The following MTUS1 variants were observed in gnomAD, a reference collection of about 807,000 sequenced individuals.
The protein encoded by MTUS1 is microtubule-associated tumor suppressor 1.
A neutral mutation model predicts 120.8 loss-of-function variants in MTUS1; 109 were observed. The observed-to-expected ratio is 0.90, with a 90% CI of 0.77 to 1.06. The LOEUF (loss-of-function observed/expected upper bound fraction) is 1.06, where lower values mean the gene tolerates loss of function less well. Ranked by LOEUF, MTUS1 falls within the 50% of genes least tolerant of loss-of-function variation. MTUS1 has a pLI of 0.00. For synonymous variants in MTUS1, 737 were observed against 550.5 expected, an observed-to-expected ratio of 1.34 and a Z score of -4.74; for missense variants, 2,210 against 1,486.3, an observed-to-expected ratio of 1.49 and a Z score of -8.01.
At chr8:17,746,443 C>G (rs1475287473) in intron 2 of MTUS1, among the ~76,000 whole-genome samples, 1 of 152,194 alleles carries the variant, frequency 6.6e-6, no homozygotes, top group African/African-American at 2.4e-5. Context: ...CTCAGAGTTC[C>G]ACGTGGCTAG....
intron 1 of MTUS1, among the ~76,000 whole-genome samples, chr8:17,786,626 G>A (rs1483483171): frequency 6.6e-5 from 10 of 152,158 alleles, no homozygotes; most frequent in Non-Finnish European, 1.0e-4. Flanking sequence ...GAGGATGTGT[G>A]AGGCAGTTGG....
rs143425822 is a variant in MTUS1, at chr8:17,723,330, T to G, written c.2449+342A>C. The G allele has an allele frequency of 2.9e-3, 942 of 325,768 alleles. 16 individuals carry two copies. Among genetic ancestry groups the G allele is most frequent in the African/African-American group, 0.018 (869 of 47,276 alleles). The allele number at this position is 325,768 out of a possible 1,614,324, so 20.2% of individuals were successfully genotyped here. A position where few individuals can be genotyped will look rare whatever the true frequency, so the allele number is the denominator to read the frequency against. On this transcript the variant is annotated intron_variant, in intron 4 of 14. Transcript: ENST00000693296. Reference sequence around the variant, plus strand: ...TAGCATCCAAAGATTCCACAGGAGATAGTCTTTTGCAAAGTAAATGAAACT... The same window carrying G: ...TAGCATCCAAAGATTCCACAGGAGAGAGTCTTTTGCAAAGTAAATGAAACT...
chr8:17,644,042 CG>C lies in MTUS1; in HGVS notation c.*1883del, dbSNP rs1472694219. 2 of 152,128 alleles carry C rather than the reference CG, an allele frequency of 1.3e-5. No individual in the cohort carries two copies. Among genetic ancestry groups the C allele is most frequent in the African/African-American group, 4.8e-5 (2 of 41,402 alleles). The allele number at this position is 152,128 out of a possible 1,614,324, so 9.4% of individuals were successfully genotyped here. ...ATTAACTGCTATGAGATTTATTTGC[CG>C]GTCACGTAATACGGAGGACAGCAGG... On this transcript the variant is annotated 3_prime_UTR_variant, in exon 15 of 15. Coordinates refer to ENST00000693296, the MANE Select transcript of MTUS1 (RefSeq NM_001363059.2).
chr8:17,773,105 C>T (rs1586318905), intron 1 of MTUS1, among the ~76,000 whole-genome samples: 2 of 152,148 alleles, frequency 1.3e-5, no homozygotes, highest in Non-Finnish European at 2.9e-5. Context: ...TATTATTTCT[C>T]TTTACTCCTG....
chr8:17,651,255 G>T (rs1008178947), intron 12 of MTUS1, among the ~76,000 whole-genome samples: 1 of 152,138 alleles, frequency 6.6e-6, no homozygotes, highest in Non-Finnish European at 1.5e-5. Flanking sequence ...CAGTTAGACA[G>T]AAGGAATAGG....
intron 1 of MTUS1, among the ~76,000 whole-genome samples, chr8:17,796,893 C>A (rs2052284336): frequency 6.6e-6 from 1 of 152,128 alleles, no homozygotes; most frequent in African/African-American, 2.4e-5. Flanking sequence ...TAGGCAATCA[C>A]TTGAGGTCAG....
Position 17,645,932 on chromosome 8 carries a change from G to C in MTUS1, c.3807C>G (p.Pro1269=). 1.2e-6 allele frequency: 2 copies of C among 1,611,090 alleles called. No individual in the cohort carries two copies. The highest frequency in any genetic ancestry group is 1.7e-6 in the Non-Finnish European group (2 of 1,179,484). The change falls in exon 15 of 15, where the codon CCC becomes CCG. Residue 1269 remains proline, a synonymous_variant. Transcript: ENST00000693296. The stretch of plus-strand genomic sequence containing the variant: ...TGTGGACTTTGGGGAGGTGTCATCT[G>C]GGTGAAATGCTGGGGCTAGGGAAGG... ...SGSFPSPSIS[P]R
At chr8:17,738,969 C>G (rs984492801) in intron 3 of MTUS1, among the ~76,000 whole-genome samples, 1 of 151,178 alleles carries the variant, frequency 6.6e-6, no homozygotes, top group East Asian at 2.0e-4. Context: ...TGAGACCCCC[C>G]CATCTCTACA....
At position 17,782,334 on chromosome 8, in the gene MTUS1, G is replaced by C. The variant is rs116173752; in HGVS notation, c.-155+18727C>G. Among the ~76,000 whole-genome samples the C allele has an allele frequency of 2.6e-3, 395 of 152,270 alleles. 5 individuals carry two copies. The highest frequency in any genetic ancestry group is 9.0e-3 in the African/African-American group (375 of 41,546). ...TAAATATTCCCTTGTGCTATTTATA[G>C]ACATAACCATATACTGTATCATTTC... On this transcript the variant is annotated intron_variant, in intron 1 of 14. Transcript: ENST00000693296.
chr8:17,686,218 G>A (rs941589096), intron 6 of MTUS1, among the ~76,000 whole-genome samples: 18 of 152,194 alleles, frequency 1.2e-4, no homozygotes, highest in Admixed American at 1.1e-3. Context: ...CAGATTCAAA[G>A]TCAGAACCCA....
intron 6 of MTUS1, among the ~76,000 whole-genome samples, chr8:17,699,331 C>G (rs1001828945): frequency 2.0e-5 from 3 of 152,166 alleles, no homozygotes; most frequent in Non-Finnish European, 2.9e-5. Flanking sequence ...GATTCTCCTG[C>G]CTCAGCCTCC....
At chr8:17,704,774 G>C (rs1288738907) in intron 6 of MTUS1, among the ~76,000 whole-genome samples, 2 of 151,874 alleles carry the variant, frequency 1.3e-5, no homozygotes, top group South Asian at 2.1e-4. Flanking sequence ...ATGACTTTTG[G>C]GATTGTTTTT....
intron 8 of MTUS1, among the ~76,000 whole-genome samples, chr8:17,660,611 C>G (rs1464169682): frequency 6.6e-6 from 1 of 152,168 alleles, no homozygotes; most frequent in East Asian, 1.9e-4. Flanking sequence ...CTATGGTACT[C>G]TTTTCCATAG....
chr8:17,767,523 C>G (rs78729920), intron 1 of MTUS1, among the ~76,000 whole-genome samples: 4,500 of 137,478 alleles, frequency 0.033, 160 homozygotes, highest in East Asian at 0.19. Flanking sequence ...ACAGCAAAAC[C>G]CCATCTCTTT....
intron 6 of MTUS1, among the ~76,000 whole-genome samples, chr8:17,700,728 A>T (rs1395204039): frequency 2.0e-5 from 3 of 152,070 alleles, no homozygotes; most frequent in Non-Finnish European, 4.4e-5. Context: ...GAAAAAAATT[A>T]AAAAGTTTAA....
intron 8 of MTUS1, among the ~76,000 whole-genome samples, chr8:17,672,991 C>G (rs1812329833): frequency 6.6e-6 from 1 of 152,230 alleles, no homozygotes; most frequent in African/African-American, 2.4e-5. Context: ...ATTCTCATTG[C>G]TGCCTTGTCT....
intron 2 of MTUS1, among the ~76,000 whole-genome samples, chr8:17,745,758 C>G (rs926997178): frequency 4.6e-5 from 7 of 152,284 alleles, no homozygotes; most frequent in African/African-American, 1.7e-4. Flanking sequence ...CCTGGTTTTC[C>G]TTCTACCTGT....
chr8:17,718,234 CTGAG>C (rs1330709248), intron 4 of MTUS1, among the ~76,000 whole-genome samples: 1 of 152,190 alleles, frequency 6.6e-6, no homozygotes, highest in African/African-American at 2.4e-5. Flanking sequence ...TGGCAACTGA[CTGAG>C]TATCCTGATG....
Position 17,654,610 on chromosome 8 carries a change from G to A in MTUS1, c.3165C>T (p.His1055=), listed in dbSNP as rs1193946613. ...TCTTTAGCAATTCAAGTTTCTCTGA[G>A]TGGCTAGCTTCAATTTCCAACTTAG... ...ETSKLEIEAS[H]SEKLELLKKA... is the part of the protein sequence containing the mutation. Residue 1055 remains histidine (H), a synonymous_variant, in exon 10 of 15, where the codon CAC becomes CAT. Coordinates refer to ENST00000693296, the MANE Select transcript of MTUS1 (RefSeq NM_001363059.2). The A allele has an allele frequency of 6.2e-6, 10 of 1,614,178 alleles. No homozygotes were observed. The highest frequency in any genetic ancestry group is 8.5e-6 in the Non-Finnish European group (10 of 1,179,984).
Sources: allele counts gnomAD v4.1 joint callset (sites outside exome capture counted in the v4.1 genomes callset), GRCh38; gene constraint gnomAD v4.1.1; transcripts MANE v1.5; gene names NCBI Gene and HGNC (gene_info 2026-07-23, HGNC 2026-07-21).